The following ARL14EPL variants were observed in gnomAD, a reference collection of about 807,000 sequenced individuals.
ARL14EPL encodes ARL14 effector protein-like.
Under a neutral mutation model 15.9 loss-of-function variants are expected in ARL14EPL, and 17 were observed. The ratio of observed to expected loss-of-function variants is 1.07; its 90% CI spans 0.73 to 1.60. The LOEUF (loss-of-function observed/expected upper bound fraction) is 1.60, where lower values mean the gene tolerates loss of function less well. Among genes scored for constraint, ARL14EPL ranks in the 40% most tolerant of loss-of-function variants. The pLI is 0.00. For missense variants in ARL14EPL, 214 were observed against 185.9 expected, an observed-to-expected ratio of 1.15 and a Z score of -0.88; for synonymous variants, 78 against 63.8, an observed-to-expected ratio of 1.22 and a Z score of -1.06.
In ARL14EPL at chr5:116,047,075, C is replaced by T. The variant is rs556126987; in HGVS notation, c.-9-4382C>T. Among the ~76,000 whole-genome samples the T allele has an allele frequency of 2.6e-5, 4 of 152,332 alleles. No homozygotes were observed. In the South Asian group the frequency reaches 8.3e-4, roughly 32 times the overall value. ...CAATTGGCACCTTGATCTTGGACATCCCAGCCTCTAGAGATACGAGAAATA... is the reference window on the plus strand; with the variant it reads ...CAATTGGCACCTTGATCTTGGACATTCCAGCCTCTAGAGATACGAGAAATA... On this transcript the variant is annotated intron_variant, in intron 1 of 3. Transcript: ENST00000686077.
chr5:116,045,745 A>AGAGTGT (rs1402557854), intron 1 of ARL14EPL, among the ~76,000 whole-genome samples: 126 of 148,744 alleles, frequency 8.5e-4, no homozygotes, highest in African/African-American at 2.8e-3. Context: ...GACCCACAGA[A>AGAGTGT]GTGTGTGTGT....
At chr5:116,034,738 CT>C (rs774474405) in intron 1 of ARL14EPL, among the ~76,000 whole-genome samples, 12 of 152,212 alleles carry the variant, frequency 7.9e-5, no homozygotes, top group South Asian at 4.2e-4. Context: ...CAAAATACCC[CT>C]ATGAGGCAGT....
chr5:116,051,009 T>C (rs1321089362), intron 1 of ARL14EPL: 3 of 152,498 alleles, frequency 2.0e-5, no homozygotes. Context: ...AGATCAAGGC[T>C]TTGGGGAGTC....
intron 1 of ARL14EPL, among the ~76,000 whole-genome samples, chr5:116,047,402 T>C (rs1258408322): frequency 6.6e-6 from 1 of 152,216 alleles, no homozygotes; most frequent in Non-Finnish European, 1.5e-5. Context: ...TAAAAGGACA[T>C]AGTACTGGGG....
At chr5:116,055,037 G>T (rs1250000154) in intron 3 of ARL14EPL, among the ~76,000 whole-genome samples, 1 of 151,964 alleles carries the variant, frequency 6.6e-6, no homozygotes, top group Non-Finnish European at 1.5e-5. Flanking sequence ...AAGTCAATAA[G>T]AAAAGTGTAA....
chr5:116,043,720 T>A (rs1022651768), intron 1 of ARL14EPL, among the ~76,000 whole-genome samples: 3 of 152,192 alleles, frequency 2.0e-5, no homozygotes, highest in Admixed American at 2.0e-4. Context: ...TGTTATTTCT[T>A]GGCACTTTAA....
rs543701149 is a variant in ARL14EPL, at chr5:116,056,335, T to C, written c.236+2182T>C. ...TTGTTTCCTGACTTTTTAATGATCG[T>C]CATTCTAACTGGTGTGAGATGGTAT... On this transcript the variant is annotated intron_variant, in intron 3 of 3. Coordinates refer to ENST00000686077, the MANE Select transcript of ARL14EPL (RefSeq NM_001195581.2). Among the ~76,000 whole-genome samples, 825 of 152,234 alleles carry C rather than the reference T, an allele frequency of 5.4e-3. 7 individuals are homozygous for C. Among genetic ancestry groups the C allele is most frequent in the South Asian group, 0.027 (128 of 4,828 alleles).
chr5:116,059,252 T>A lies in ARL14EPL; in HGVS notation c.*305T>A, dbSNP rs527601641. On this transcript the variant is annotated 3_prime_UTR_variant, in exon 4 of 4. Transcript: ENST00000686077. The stretch of plus-strand genomic sequence containing the variant: ...AAACTCTCTTCCCTCTTTGCTGATA[T>A]CTGAGAAAATGTAGCTTTAAGATTT... The A allele has an allele frequency of 5.9e-5, 16 of 270,934 alleles. No individual in the cohort carries two copies. The East Asian group carries it at 1.1e-3, about 19-fold the overall frequency. The allele number at this position is 270,934 out of a possible 1,614,324, so 16.8% of individuals were successfully genotyped here.
chr5:116,045,643 G>T (rs1381090721), intron 1 of ARL14EPL, among the ~76,000 whole-genome samples: 1 of 152,096 alleles, frequency 6.6e-6, no homozygotes, highest in Non-Finnish European at 1.5e-5. Context: ...CTATGTGGTG[G>T]CATTGTGTTC....
intron 1 of ARL14EPL, among the ~76,000 whole-genome samples, chr5:116,047,189 C>A (rs917350624): frequency 1.3e-5 from 2 of 152,214 alleles, no homozygotes; most frequent in Non-Finnish European, 2.9e-5. Context: ...AGAATCCAAT[C>A]CTGAAGTCAG....
At chr5:116,052,007 T>A in intron 2 of ARL14EPL, 1 of 1,611,550 alleles carries the variant, frequency 6.2e-7, no homozygotes, top group Non-Finnish European at 8.5e-7. Context: ...GATAAGTCCT[T>A]TACTAAGGAG....
intron 2 of ARL14EPL, among the ~76,000 whole-genome samples, chr5:116,052,755 C>T (rs1749417131): frequency 6.6e-6 from 1 of 152,206 alleles, no homozygotes; most frequent in Non-Finnish European, 1.5e-5. Context: ...TCTTATTAAA[C>T]TAAATAAACT....
At chr5:116,041,440 G>GT (rs1749156530) in intron 1 of ARL14EPL, among the ~76,000 whole-genome samples, 1 of 152,102 alleles carries the variant, frequency 6.6e-6, no homozygotes, top group Non-Finnish European at 1.5e-5. Context: ...CTGTTTCTTT[G>GT]TTTTTTAAAT....
At chr5:116,054,859 A>G (rs1233269349) in intron 3 of ARL14EPL, among the ~76,000 whole-genome samples, 2 of 151,228 alleles carry the variant, frequency 1.3e-5, no homozygotes, top group Non-Finnish European at 2.9e-5. Context: ...TAAATAAAAT[A>G]AAAAATAATA....
intron 3 of ARL14EPL, among the ~76,000 whole-genome samples, chr5:116,057,038 C>T (rs1011490638): frequency 2.6e-5 from 4 of 152,150 alleles, no homozygotes; most frequent in Non-Finnish European, 5.9e-5. Flanking sequence ...AAAATACTGG[C>T]AAACCAAATC....
Position 116,059,072 on chromosome 5 carries a change from C to A in ARL14EPL, c.*125C>A. The A allele has an allele frequency of 2.3e-6, 2 of 873,352 alleles. No individual in the cohort carries two copies. The highest frequency in any genetic ancestry group is 3.5e-6 in the Non-Finnish European group (2 of 566,290). The allele number at this position is 873,352 out of a possible 1,614,324, so 54.1% of individuals were successfully genotyped here. On this transcript the variant is annotated 3_prime_UTR_variant, in exon 4 of 4. Coordinates refer to ENST00000686077, the MANE Select transcript of ARL14EPL (RefSeq NM_001195581.2). ...AACATACTGAAGACTCATGTTCTGT[C>A]AAGCCCCAGAACAATGTAGAATGGG...
rs544986836 is a variant in ARL14EPL at position 116,035,152 on chromosome 5, T to C, written c.-10+2647T>C. On this transcript the variant is annotated intron_variant, in intron 1 of 3. Coordinates refer to ENST00000686077, the MANE Select transcript of ARL14EPL (RefSeq NM_001195581.2). ...AGCTAGAAAACTTAAGAGACTCTTT[T>C]ACAGCTGCCTTAGAAGTTTTCTGGT... 5.8e-4 allele frequency among the ~76,000 whole-genome samples: 89 copies of C among 152,320 alleles called. 2 individuals carry two copies. In the South Asian group the frequency reaches 0.018, roughly 32 times the overall value.
intron 1 of ARL14EPL, among the ~76,000 whole-genome samples, chr5:116,034,697 G>A (rs538853078): frequency 6.6e-6 from 1 of 152,150 alleles, no homozygotes; most frequent in Non-Finnish European, 1.5e-5. Context: ...TACCATTTGA[G>A]CTATGTGCTA....
At chr5:116,048,520 G>T (rs1418763448) in intron 1 of ARL14EPL, among the ~76,000 whole-genome samples, 1 of 152,046 alleles carries the variant, frequency 6.6e-6, no homozygotes, top group Non-Finnish European at 1.5e-5. Context: ...GCTGAGAAAG[G>T]AAACCAATTA....
Sources: gnomAD v4.1 joint callset for allele counts (sites outside exome capture counted in the v4.1 genomes callset) on GRCh38, gnomAD v4.1.1 for gene constraint, MANE v1.5 for transcripts, NCBI Gene and HGNC (gene_info 2026-07-23, HGNC 2026-07-21) for gene names.